EML5: variants seen among roughly 807,000 people sequenced by gnomAD.
The protein encoded by EML5 is EMAP like 5, also known as echinoderm microtubule-associated protein-like 5.
A neutral mutation model predicts 250.0 loss-of-function variants in EML5; 120 were observed. That is an observed-to-expected ratio of 0.48 (90% CI 0.41 to 0.56). The LOEUF (loss-of-function observed/expected upper bound fraction) is 0.56, where lower values mean the gene tolerates loss of function less well. Among genes scored for constraint, EML5 ranks in the 20% least tolerant of loss-of-function variants. The probability of loss-of-function intolerance (pLI) is 0.00; values close to 1 mark genes in which losing one functional copy is unlikely to be tolerated. For missense variants in EML5, 2,006 were observed against 2,437.6 expected (o/e 0.82, Z 3.73); for synonymous variants, 771 against 806.5 (o/e 0.96, Z 0.75).
chr14:88,775,062 C>T (rs765831515), intron 1 of EML5, among the ~76,000 whole-genome samples: 1 of 152,186 alleles, frequency 6.6e-6, no homozygotes, highest in Non-Finnish European at 1.5e-5. Context: ...TGGCAGCATT[C>T]ACCACCTGCT....
rs139947226 is a variant in EML5, at chr14:88,694,951, A to C, written c.2438+410T>G. Among the ~76,000 whole-genome samples, 817 of 152,248 alleles carry C rather than the reference A, an allele frequency of 5.4e-3. 6 individuals are homozygous for C. The highest frequency in any genetic ancestry group is 0.018 in the African/African-American group (763 of 41,566). On this transcript the variant is annotated intron_variant, in intron 16 of 43. Transcript: ENST00000554922. ...ACATGCTCACTGTAGAAAACTTAGA[A>C]AATGAAGAAAAATATAAGAAAATAA...
intron 21 of EML5, among the ~76,000 whole-genome samples, chr14:88,675,206 G>T (rs1330842566): frequency 6.6e-6 from 1 of 152,198 alleles, no homozygotes; most frequent in Non-Finnish European, 1.5e-5. Flanking sequence ...TCTGTATGGG[G>T]GCTCCAACCC....
intron 14 of EML5, among the ~76,000 whole-genome samples, chr14:88,699,415 C>A (rs1395910592): frequency 1.3e-5 from 2 of 151,236 alleles, no homozygotes; most frequent in Non-Finnish European, 2.9e-5. Flanking sequence ...TAATGTTATG[C>A]CTTGAATTGC....
At chr14:88,755,227 T>C (rs184592055) in intron 1 of EML5, among the ~76,000 whole-genome samples, 3 of 152,344 alleles carry the variant, frequency 2.0e-5, no homozygotes, top group East Asian at 1.9e-4. Context: ...CTGCAATATA[T>C]TGTGTGTAAA....
At chr14:88,735,711 T>C (rs1047187341) in intron 7 of EML5, among the ~76,000 whole-genome samples, 1 of 152,194 alleles carries the variant, frequency 6.6e-6, no homozygotes. Context: ...GACAAATGTA[T>C]AATGATATTC....
intron 1 of EML5, among the ~76,000 whole-genome samples, 164 bp from the exon 2 acceptor site, chr14:88,754,835 G>A (rs1595785223): frequency 2.0e-5 from 3 of 152,174 alleles, no homozygotes; most frequent in Admixed American, 1.3e-4. Context: ...ACAGAGTCTC[G>A]TTCTGTCAGC....
chr14:88,694,976 A>C (rs537482638), intron 16 of EML5, among the ~76,000 whole-genome samples: 1 of 152,210 alleles, frequency 6.6e-6, no homozygotes, highest in Non-Finnish European at 1.5e-5. Flanking sequence ...TAAGAAAATA[A>C]AAACCTATAA....
chr14:88,736,552 C>T lies in EML5; in HGVS notation c.861G>A (p.Arg287=), dbSNP rs1566726075. Reference sequence around the variant, plus strand: ...TGTGGTCACCTCGCCAACACACACTCCTTACAGACAAACCTAGTAAAAAGT... The same window carrying T: ...TGTGGTCACCTCGCCAACACACACTTCTTACAGACAAACCTAGTAAAAAGT... The part of the protein sequence containing the change: ...TDQGYKGLSV[R]SVCWRGDHIL... Residue 287 remains arginine (R), a synonymous_variant, in exon 7 of 44, where the codon AGG becomes AGA. Coordinates refer to ENST00000554922, the MANE Select transcript of EML5 (RefSeq NM_183387.3). 6.2e-7 allele frequency: 1 copy of T among 1,613,838 alleles called. No homozygotes were observed. Among genetic ancestry groups the T allele is most frequent in the African/African-American group, 1.3e-5 (1 of 74,924 alleles).
chr14:88,698,807 G>A (rs974276350), intron 14 of EML5, among the ~76,000 whole-genome samples: 4 of 152,080 alleles, frequency 2.6e-5, no homozygotes, highest in African/African-American at 9.7e-5. Context: ...CATCTCACCT[G>A]GAAATTATGA....
chr14:88,677,065 T>G (rs896171219), intron 21 of EML5, among the ~76,000 whole-genome samples: 3 of 152,062 alleles, frequency 2.0e-5, no homozygotes, highest in Non-Finnish European at 4.4e-5. Context: ...CCACCACACC[T>G]GGTTAATTTT....
intron 7 of EML5, among the ~76,000 whole-genome samples, chr14:88,727,401 A>ATTTTTT (rs3055841): frequency 3.1e-4 from 41 of 131,694 alleles, no homozygotes; most frequent in Non-Finnish European, 3.2e-4. Flanking sequence ...GATACACTGC[A>ATTTTTT]TTTTTTTTTT....
At chr14:88,656,261 TA>T (rs1394438834) in intron 27 of EML5, among the ~76,000 whole-genome samples, 1 of 152,154 alleles carries the variant, frequency 6.6e-6, no homozygotes, top group Admixed American at 6.5e-5. Flanking sequence ...ATGTGGCACA[TA>T]AACACCACGG....
intron 7 of EML5, among the ~76,000 whole-genome samples, chr14:88,730,970 T>C (rs559098242): frequency 6.6e-6 from 1 of 152,298 alleles, no homozygotes; most frequent in East Asian, 1.9e-4. Flanking sequence ...TTTTAACCAA[T>C]AGCATTAATG....
intron 17 of EML5, among the ~76,000 whole-genome samples, chr14:88,691,084 T>C (rs535765271): frequency 8.5e-5 from 13 of 152,300 alleles, no homozygotes; most frequent in African/African-American, 3.1e-4. Context: ...ACTCTGCTAA[T>C]GGCAACTGCT....
intron 25 of EML5, among the ~76,000 whole-genome samples, chr14:88,659,065 AAAGTTT>A (rs2091973949): frequency 6.6e-6 from 1 of 152,152 alleles, no homozygotes; most frequent in African/African-American, 2.4e-5. Flanking sequence ...AAATAACAAT[AAAGTTT>A]AAGTTATTGT....
chr14:88,630,614 C>T (rs2090388199), intron 33 of EML5, among the ~76,000 whole-genome samples: 1 of 152,150 alleles, frequency 6.6e-6, no homozygotes, highest in Admixed American at 6.5e-5. Flanking sequence ...TTTAATAACC[C>T]AGACTTAAAC....
rs562760585 is a variant in EML5, at chr14:88,700,100, AG to A, written c.2238+2345del. Among the ~76,000 whole-genome samples the A allele has an allele frequency of 3.7e-3, 569 of 152,318 alleles. 7 individuals are homozygous for A. Among genetic ancestry groups the A allele is most frequent in the African/African-American group, 0.013 (539 of 41,566 alleles). ...CCCACAACATTTAATGCTTTTGAATAGGAAGCACTCAACAAGTATTTGCTGA... is the reference window on the plus strand; with the variant it reads ...CCCACAACATTTAATGCTTTTGAATAGAAGCACTCAACAAGTATTTGCTGA... On this transcript the variant is annotated intron_variant, in intron 14 of 43. Coordinates refer to ENST00000554922, the MANE Select transcript of EML5 (RefSeq NM_183387.3).
intron 32 of EML5, among the ~76,000 whole-genome samples, chr14:88,635,266 G>C (rs4899957): frequency 0.18 from 27,892 of 152,072 alleles, 3,086 homozygotes; most frequent in East Asian, 0.47. Flanking sequence ...GATAACATAG[G>C]ACCATAGTGC....
chr14:88,665,850 G>C (rs923116160), intron 21 of EML5, among the ~76,000 whole-genome samples: 31 of 152,192 alleles, frequency 2.0e-4, no homozygotes, highest in African/African-American at 7.2e-4. Context: ...TGAGGGTGCA[G>C]TGAGCTATGA....
Sources: gnomAD v4.1 joint callset for allele counts (sites outside exome capture counted in the v4.1 genomes callset) on GRCh38, gnomAD v4.1.1 for gene constraint, MANE v1.5 for transcripts, NCBI Gene and HGNC (gene_info 2026-07-23, HGNC 2026-07-21) for gene names.